The following SMYD3 variants were observed in gnomAD, a reference collection of about 807,000 sequenced individuals.
The protein encoded by SMYD3 is SET and MYND domain containing 3, also known as histone-lysine N-methyltransferase SMYD3.
Under a neutral mutation model 57.7 loss-of-function variants are expected in SMYD3, and 36 were observed. The ratio of observed to expected loss-of-function variants is 0.62; its 90% CI spans 0.48 to 0.82. The LOEUF is 0.82. Among genes scored for constraint, SMYD3 ranks in the 40% least tolerant of loss-of-function variants. SMYD3 has a pLI of 0.00. For synonymous variants in SMYD3, 211 were observed against 195.0 expected, an observed-to-expected ratio of 1.08 and a Z score of -0.68; for missense variants, 515 against 538.8, an observed-to-expected ratio of 0.96 and a Z score of 0.44.
intron 1 of SMYD3, among the ~76,000 whole-genome samples, chr1:246,390,009 G>C (rs2066532715): frequency 6.6e-6 from 1 of 151,964 alleles, no homozygotes; most frequent in African/African-American, 2.4e-5. Flanking sequence ...GCGGGATGGG[G>C]GGCAAAACTC....
intron 1 of SMYD3, among the ~76,000 whole-genome samples, chr1:246,491,832 C>A (rs1447871403): frequency 6.6e-6 from 1 of 152,166 alleles, no homozygotes; most frequent in Non-Finnish European, 1.5e-5. Flanking sequence ...TGAACATACA[C>A]AATTTCACAG....
intron 2 of SMYD3, among the ~76,000 whole-genome samples, chr1:246,353,411 TC>T (rs1423049955): frequency 6.6e-6 from 1 of 152,022 alleles, no homozygotes; most frequent in African/African-American, 2.4e-5. Context: ...GTACCTGTAG[TC>T]CCAGTGGCTC....
intron 1 of SMYD3, among the ~76,000 whole-genome samples, chr1:246,407,393 CA>C (rs932372712): frequency 1.3e-5 from 2 of 152,334 alleles, no homozygotes; most frequent in South Asian, 4.1e-4. Flanking sequence ...AAAGACAACA[CA>C]GCTGTATCAG....
At chr1:246,244,831 T>C (rs1258235992) in intron 5 of SMYD3, among the ~76,000 whole-genome samples, 3 of 152,240 alleles carry the variant, frequency 2.0e-5, no homozygotes, top group Non-Finnish European at 4.4e-5. Context: ...GTTTTCTGTA[T>C]ATAAAAATTT....
intron 5 of SMYD3, among the ~76,000 whole-genome samples, chr1:245,972,642 C>T (rs1210038539): frequency 1.3e-5 from 2 of 152,204 alleles, no homozygotes; most frequent in South Asian, 2.1e-4. Flanking sequence ...GGCACAGCTA[C>T]GTGACTAAGT....
intron 5 of SMYD3, among the ~76,000 whole-genome samples, chr1:246,015,374 A>G (rs989759009): frequency 6.6e-6 from 1 of 152,230 alleles, no homozygotes; most frequent in African/African-American, 2.4e-5. Flanking sequence ...CTTTAAGTTC[A>G]GCATTAATCA....
intron 10 of SMYD3, among the ~76,000 whole-genome samples, chr1:245,837,824 T>A (rs2050178173): frequency 6.6e-6 from 1 of 152,162 alleles, no homozygotes; most frequent in South Asian, 2.1e-4. Flanking sequence ...TCAGAACACA[T>A]ACATTTGTGT....
At chr1:245,836,991 T>A (rs1373465033) in intron 10 of SMYD3, among the ~76,000 whole-genome samples, 3 of 152,304 alleles carry the variant, frequency 2.0e-5, no homozygotes, top group East Asian at 1.9e-4. Context: ...CACAACTTAA[T>A]TATTTAATAT....
chr1:246,067,733 C>T (rs757971134), intron 5 of SMYD3, among the ~76,000 whole-genome samples: 2 of 152,140 alleles, frequency 1.3e-5, no homozygotes, highest in Non-Finnish European at 2.9e-5. Context: ...AACTGCACAG[C>T]GACGATTTAC....
chr1:245,865,162 T>G (rs1018955652), intron 8 of SMYD3, among the ~76,000 whole-genome samples: 2 of 152,218 alleles, frequency 1.3e-5, no homozygotes, highest in Non-Finnish European at 2.9e-5. Flanking sequence ...TTTACTGATA[T>G]TTACTGATAT....
intron 10 of SMYD3, among the ~76,000 whole-genome samples, chr1:245,855,329 G>GT (rs1384773158): frequency 6.6e-6 from 1 of 151,604 alleles, no homozygotes; most frequent in Non-Finnish European, 1.5e-5. Context: ...GGGCTGGGGG[G>GT]GGAATTTATA....
At chr1:245,784,085 G>A (rs1291881185) in intron 10 of SMYD3, among the ~76,000 whole-genome samples, 1 of 152,176 alleles carries the variant, frequency 6.6e-6, no homozygotes, top group Non-Finnish European at 1.5e-5. Flanking sequence ...GCACAATTTT[G>A]GAAAAGGAGC....
rs538323063 is a variant in SMYD3 at position 246,438,402 on chromosome 1, G to A, written c.164+68652C>T. 3.9e-5 allele frequency among the ~76,000 whole-genome samples: 6 copies of A among 152,228 alleles called. No homozygotes were observed. The East Asian group carries it at 1.2e-3, about 29-fold the overall frequency. Reference sequence around the variant, plus strand: ...CAACCATCAAGAGCACAGGCTTAGGGGTGAATGATAAGAGACAAGTGGAGT... The same window carrying A: ...CAACCATCAAGAGCACAGGCTTAGGAGTGAATGATAAGAGACAAGTGGAGT... On this transcript the variant is annotated intron_variant, in intron 1 of 11. Coordinates refer to ENST00000490107, the MANE Select transcript of SMYD3 (RefSeq NM_001167740.2).
At position 246,437,038 on chromosome 1, in the gene SMYD3, T is replaced by C. The variant is rs550209996; in HGVS notation, c.164+70016A>G. ...CCTCAGCTTCCCAAGTAGCTGGGAT[T>C]ACAGGCACCCGCCACCACACCCAGC... On this transcript the variant is annotated intron_variant, in intron 1 of 11. Transcript: ENST00000490107. 4.6e-5 allele frequency among the ~76,000 whole-genome samples: 7 copies of C among 152,066 alleles called. 1 individual carries two copies. In the South Asian group the frequency reaches 1.5e-3, roughly 32 times the overall value.
At chr1:246,004,971 G>A (rs111959130) in intron 5 of SMYD3, among the ~76,000 whole-genome samples, 10,095 of 152,092 alleles carry the variant, frequency 0.066, 378 homozygotes, top group African/African-American at 0.078. Context: ...TCGGCCTCCC[G>A]AGTAGCTGGG....
intron 5 of SMYD3, among the ~76,000 whole-genome samples, chr1:246,098,870 CAT>C (rs894740472): frequency 3.9e-5 from 6 of 152,288 alleles, no homozygotes; most frequent in South Asian, 4.1e-4. Flanking sequence ...CACATAAACA[CAT>C]GTTAAAATAT....
At chr1:246,130,763 G>A (rs181955040) in intron 5 of SMYD3, among the ~76,000 whole-genome samples, 21 of 152,264 alleles carry the variant, frequency 1.4e-4, no homozygotes, top group Non-Finnish European at 2.1e-4. Flanking sequence ...GCACTGGCTT[G>A]AGAGTTGGGC....
intron 5 of SMYD3, among the ~76,000 whole-genome samples, chr1:246,290,605 C>G (rs185786344): frequency 6.6e-6 from 1 of 152,144 alleles, no homozygotes; most frequent in Non-Finnish European, 1.5e-5. Flanking sequence ...TTTTCATGCT[C>G]AAGTGTCTGG....
chr1:246,166,724 C>T lies in SMYD3; in HGVS notation c.531+160477G>A, dbSNP rs191834451. On this transcript the variant is annotated intron_variant, in intron 5 of 11. Transcript: ENST00000490107. ...CATGCAAATATGTGCTCCATAAAAG[C>T]TGCAACTGACTGTAATACCTGAGAG... 2.1e-3 allele frequency among the ~76,000 whole-genome samples: 316 copies of T among 152,288 alleles called. 2 individuals are homozygous for T. The highest frequency in any genetic ancestry group is 7.7e-3 in the South Asian group (37 of 4,816).
Sources: gnomAD v4.1 joint callset for allele counts (sites outside exome capture counted in the v4.1 genomes callset) on GRCh38, gnomAD v4.1.1 for gene constraint, MANE v1.5 for transcripts, NCBI Gene and HGNC (gene_info 2026-07-23, HGNC 2026-07-21) for gene names.